MCF2L: variants seen among roughly 807,000 people sequenced by gnomAD.
MCF2L encodes guanine nucleotide exchange factor DBS.
A neutral mutation model predicts 153.4 loss-of-function variants in MCF2L; 97 were observed. That is an observed-to-expected ratio of 0.63 (90% CI 0.54 to 0.75). The LOEUF is 0.75. Ranked by LOEUF, MCF2L falls within the 30% of genes least tolerant of loss-of-function variation. The probability of loss-of-function intolerance (pLI) is 0.00; values close to 1 mark genes in which losing one functional copy is unlikely to be tolerated. For missense variants in MCF2L, 1,347 were observed against 1,495.2 expected, an observed-to-expected ratio of 0.90 and a Z score of 1.64; for synonymous variants, 659 against 632.2, an observed-to-expected ratio of 1.04 and a Z score of -0.64.
At chr13:113,050,964 A>G (rs1263861438) in intron 4 of MCF2L, among the ~76,000 whole-genome samples, 1 of 151,782 alleles carries the variant, frequency 6.6e-6, no homozygotes, top group African/African-American at 2.4e-5. Context: ...CTCTCGGAAG[A>G]GGCGAGACCG....
chr13:112,908,768 C>G (rs999780019), intron 2 of MCF2L, among the ~76,000 whole-genome samples: 2 of 149,560 alleles, frequency 1.3e-5, no homozygotes, highest in African/African-American at 5.0e-5. Flanking sequence ...GAGTCTCACT[C>G]TATTGTCCAG....
chr13:113,080,157 A>G (rs1236506674), intron 15 of MCF2L, among the ~76,000 whole-genome samples: 1 of 101,138 alleles, frequency 9.9e-6, no homozygotes, highest in African/African-American at 4.2e-5. Flanking sequence ...GTCCAGGCAG[A>G]GGAGAGTCCA....
In MCF2L at chr13:113,053,619, G is replaced by A. The variant is rs1385256201; in HGVS notation, c.370-6974G>A. On this transcript the variant is annotated intron_variant, in intron 4 of 29. Coordinates refer to ENST00000535094, the MANE Select transcript of MCF2L (RefSeq NM_001112732.3). This position sits in a 1 kb window ranked among gnomAD's most constrained non-coding sequence, Gnocchi z 4.4. The stretch of plus-strand genomic sequence containing the variant: ...GTGGTGATGCTCAGGACGGGGCGAA[G>A]GTCCCGTGGCTGAGGTGTCCACTGA... Among the ~76,000 whole-genome samples the A allele has an allele frequency of 2.6e-5, 4 of 152,214 alleles. No homozygotes were observed. The highest frequency in any genetic ancestry group is 2.9e-5 in the Non-Finnish European group (2 of 68,044).
chr13:112,900,777 A>G (rs2081112328), intron 1 of MCF2L, among the ~76,000 whole-genome samples: 1 of 151,820 alleles, frequency 6.6e-6, no homozygotes, highest in Non-Finnish European at 1.5e-5. Context: ...TCAGGGCTCC[A>G]TGTGGTGGGG....
intron 2 of MCF2L, among the ~76,000 whole-genome samples, chr13:112,930,592 A>G (rs1431713123): frequency 6.6e-6 from 1 of 152,228 alleles, no homozygotes; most frequent in Admixed American, 6.5e-5. Context: ...TGTATATGAT[A>G]TCATGTATTT....
In MCF2L at chr13:113,028,688, A is replaced by C. The variant is rs1352744611; in HGVS notation, c.278+3930A>C. ...AGTGGAAGAGGCCTTTCTATCACCA[A>C]ACGCTCTAAATCAGATCCTGGAAAT... On this transcript the variant is annotated intron_variant, in intron 3 of 29. Transcript: ENST00000535094. The surrounding 1 kb of genome is among the most constrained non-coding windows in gnomAD (Gnocchi z 5.4). Among the ~76,000 whole-genome samples, 2 of 152,222 alleles carry C rather than the reference A, an allele frequency of 1.3e-5. No individual in the cohort carries two copies. Among genetic ancestry groups the C allele is most frequent in the Non-Finnish European group, 2.9e-5 (2 of 68,046 alleles).
chr13:113,069,681 G>T (rs533046252), intron 8 of MCF2L, among the ~76,000 whole-genome samples: 1 of 152,356 alleles, frequency 6.6e-6, no homozygotes, highest in African/African-American at 2.4e-5. Flanking sequence ...AGCCGAGACT[G>T]CACCACTGCA....
intron 15 of MCF2L, 59 bp downstream of exon 15, chr13:113,078,798 G>A (rs2033796693): frequency 2.1e-6 from 3 of 1,441,664 alleles, no homozygotes. Context: ...TGAACCACCA[G>A]ATGCCGTCAG....
At position 113,077,145 on chromosome 13, in the gene MCF2L, A is replaced by T. The variant is rs2033578964; in HGVS notation, c.1594A>T (p.Thr532Ser). 1 of 1,612,140 alleles carries T rather than the reference A, an allele frequency of 6.2e-7. No individual in the cohort carries two copies. Among genetic ancestry groups the T allele is most frequent in the East Asian group, 2.2e-5 (1 of 44,858 alleles). The change falls in exon 13 of 30, where the codon ACG becomes TCG. Residue 532 changes from threonine to serine, a missense_variant. Physicochemically the swap from Thr to Ser is moderately conservative, Grantham distance 58. This residue lies in a region of MCF2L where 820 missense variants were observed against 921.2 expected (regional missense o/e 0.89). Transcript: ENST00000535094. ...CCTGAAGAAGCTGGCGGCCAGGCAG[A>T]CGCGGCCCGTGCAGCCGGTGGCCCC... ...ASLKKLAARQ[T>S]RPVQPVAPRP...
rs2033234954 is a variant in MCF2L, at chr13:113,074,437, G to A, written c.997-7G>A. On this transcript the variant is annotated splice_polypyrimidine_tract_variant and splice_region_variant and intron_variant, in intron 9 of 29. Coordinates refer to ENST00000535094, the MANE Select transcript of MCF2L (RefSeq NM_001112732.3). This position sits in a 1 kb window ranked among gnomAD's most constrained non-coding sequence, Gnocchi z 4.2. Reference sequence around the variant, plus strand: ...ACCCCCCTGAGATGGGCCCTCCTCTGTTCCAGGTCAAAGCCATCTTGGACG... The same window carrying A: ...ACCCCCCTGAGATGGGCCCTCCTCTATTCCAGGTCAAAGCCATCTTGGACG... 2 of 1,612,428 alleles carry A rather than the reference G, an allele frequency of 1.2e-6. No individual in the cohort carries two copies. Among genetic ancestry groups the A allele is most frequent in the Non-Finnish European group, 1.7e-6 (2 of 1,178,664 alleles).
intron 2 of MCF2L, chr13:112,909,327 C>A: frequency 1.3e-6 from 1 of 779,636 alleles, no homozygotes; most frequent in Non-Finnish European, 2.4e-6. Flanking sequence ...TGAGTACATC[C>A]TTCACCTCTG....
intron 4 of MCF2L, among the ~76,000 whole-genome samples, chr13:113,049,069 T>A (rs1318465570): frequency 6.6e-6 from 1 of 151,764 alleles, no homozygotes; most frequent in Non-Finnish European, 1.5e-5. Flanking sequence ...AAGGGTTTGG[T>A]GCAGGAGGGG....
At position 113,035,488 on chromosome 13, in the gene MCF2L, G is replaced by A. The variant is rs974057661; in HGVS notation, c.279-9783G>A. Among the ~76,000 whole-genome samples, 5 of 152,152 alleles carry A rather than the reference G, an allele frequency of 3.3e-5. No individual in the cohort carries two copies. The highest frequency in any genetic ancestry group is 5.9e-5 in the Non-Finnish European group (4 of 68,038). On this transcript the variant is annotated intron_variant, in intron 3 of 29. Transcript: ENST00000535094. The surrounding 1 kb of genome is among the most constrained non-coding windows in gnomAD (Gnocchi z 4.4). Reference sequence around the variant, plus strand: ...GTTTTCCGCCTCAAACCCCCTCTGCGATGTGCAGCTCTGGGTGTCTGATCC... The same window carrying A: ...GTTTTCCGCCTCAAACCCCCTCTGCAATGTGCAGCTCTGGGTGTCTGATCC...
intron 1 of MCF2L, among the ~76,000 whole-genome samples, chr13:113,011,057 T>C (rs2084062314): frequency 6.6e-6 from 1 of 152,130 alleles, no homozygotes; most frequent in Non-Finnish European, 1.5e-5. Flanking sequence ...GAATGAAAAC[T>C]TACACACATA....
At chr13:112,927,973 T>C (rs1459603369) in intron 2 of MCF2L, among the ~76,000 whole-genome samples, 3 of 152,204 alleles carry the variant, frequency 2.0e-5, no homozygotes, top group Non-Finnish European at 4.4e-5. Context: ...AAACAAAATG[T>C]GTCTAGAAAA....
Position 113,096,834 on chromosome 13 carries a change from C to A in MCF2L, c.3353C>A (p.Ala1118Asp). The change falls in exon 30 of 30, where the codon GCC (alanine) becomes GAC (aspartate). Residue 1118 changes from alanine to aspartate, a missense_variant. Ala to Asp is a moderately radical substitution (Grantham distance 126). Around this residue, in one of 3 missense-constraint regions of MCF2L, gnomAD observed 383 missense variants for 335.4 expected, o/e 1.14. Transcript: ENST00000535094. ...TCCAGCTGCAGCGAGGGCGGCCAGG[C>A]CCCCTTCTCCGACCTGCAGGGGTAG... Reference protein sequence around the residue: ...NSSSCSEGGQAPFSDLQG With the variant: ...NSSSCSEGGQDPFSDLQG 1.3e-6 allele frequency: 2 copies of A among 1,515,914 alleles called. No individual in the cohort carries two copies. Among genetic ancestry groups the A allele is most frequent in the Non-Finnish European group, 1.8e-6 (2 of 1,142,480 alleles). The allele number at this position is 1,515,914 out of a possible 1,614,324, so 93.9% of individuals were successfully genotyped here.
chr13:113,087,576 G>T, intron 22 of MCF2L, 120 bp downstream of exon 22: 1 of 1,097,632 alleles, frequency 9.1e-7, no homozygotes. Flanking sequence ...GTGTAGGGGT[G>T]GGGTATTCTG....
chr13:112,980,311 A>AG lies in MCF2L; in HGVS notation c.79+10858dup, dbSNP rs796647944. Among the ~76,000 whole-genome samples, 22 of 152,324 alleles carry AG rather than the reference A, an allele frequency of 1.4e-4. No homozygotes were observed. In the East Asian group the frequency reaches 3.7e-3, roughly 25 times the overall value. On this transcript the variant is annotated intron_variant, in intron 1 of 29. Transcript: ENST00000535094. ...GGAGCAAGGGCATTCTGCTGGCTTG[A>AG]GGGGGAGAAAGGAGCTTGTTGCTGA... is the stretch of plus-strand genomic sequence containing the variant.
chr13:112,980,994 GAT>G (rs759199623), intron 1 of MCF2L, among the ~76,000 whole-genome samples: 7 of 151,934 alleles, frequency 4.6e-5, no homozygotes, highest in Non-Finnish European at 8.8e-5. Context: ...TGGGGACCCT[GAT>G]ACGTCCCCTT....
Sources: allele counts gnomAD v4.1 joint callset (sites outside exome capture counted in the v4.1 genomes callset), GRCh38; gene constraint gnomAD v4.1.1; regional missense constraint gnomAD v4.1.1; non-coding constraint Gnocchi (gnomAD v3.1); transcripts MANE v1.5; gene names NCBI Gene and HGNC (gene_info 2026-07-23, HGNC 2026-07-21).